Variants in ATRNL1 observed in about 807,000 individuals in gnomAD.
ATRNL1 encodes the protein attractin like 1.
ATRNL1 carries 95 observed loss-of-function variants against 182.7 expected under a neutral mutation model. That is an observed-to-expected ratio of 0.52 (90% CI 0.44 to 0.62). ATRNL1 has a LOEUF of 0.62. ATRNL1 is among the 20% of genes least tolerant of loss of function. ATRNL1 has a pLI of 0.00. For missense variants in ATRNL1, 1,471 were observed against 1,679.5 expected, an observed-to-expected ratio of 0.88 and a Z score of 2.17; for synonymous variants, 576 against 568.3, an observed-to-expected ratio of 1.01 and a Z score of -0.19.
chr10:115,565,313 G>A (rs1182402285), intron 26 of ATRNL1, among the ~76,000 whole-genome samples: 1 of 151,970 alleles, frequency 6.6e-6, no homozygotes, highest in Non-Finnish European at 1.5e-5. Flanking sequence ...TTTAGATCAT[G>A]TTATAAATTC....
At chr10:115,940,335 G>A (rs1953689264) in intron 28 of ATRNL1, among the ~76,000 whole-genome samples, 1 of 152,198 alleles carries the variant, frequency 6.6e-6, no homozygotes, top group South Asian at 2.1e-4. Context: ...TCGTGACAGG[G>A]ATTACAGTTT....
intron 20 of ATRNL1, among the ~76,000 whole-genome samples, chr10:115,417,581 C>T (rs1554961109): frequency 6.6e-6 from 1 of 152,176 alleles, no homozygotes; most frequent in East Asian, 1.9e-4. Context: ...GCTATCCAAC[C>T]TTTGTCCCAC....
At chr10:115,883,869 C>T (rs1951883690) in intron 28 of ATRNL1, among the ~76,000 whole-genome samples, 1 of 152,216 alleles carries the variant, frequency 6.6e-6, no homozygotes, top group Admixed American at 6.5e-5. Flanking sequence ...CAGAGGCAGT[C>T]TTTTCAAACT....
At chr10:115,433,165 G>A (rs963115025) in intron 21 of ATRNL1, among the ~76,000 whole-genome samples, 5 of 151,948 alleles carry the variant, frequency 3.3e-5, no homozygotes, top group Admixed American at 2.0e-4. Context: ...GTGGAATTTT[G>A]TAGTAATAAT....
At chr10:115,742,266 GA>G (rs1948160849) in intron 27 of ATRNL1, among the ~76,000 whole-genome samples, 1 of 152,030 alleles carries the variant, frequency 6.6e-6, no homozygotes, top group South Asian at 2.1e-4. Flanking sequence ...ATATTCAAGG[GA>G]AAAAATGTAT....
chr10:115,463,825 C>T (rs1304677003), intron 22 of ATRNL1, among the ~76,000 whole-genome samples: 2 of 151,956 alleles, frequency 1.3e-5, no homozygotes, highest in East Asian at 1.9e-4. Context: ...TAGCATGTAT[C>T]GGAGGTCATT....
intron 26 of ATRNL1, among the ~76,000 whole-genome samples, chr10:115,617,897 AATGT>A (rs1215497308): frequency 6.6e-6 from 1 of 152,044 alleles, no homozygotes; most frequent in Admixed American, 6.5e-5. Context: ...ACTACTTCCT[AATGT>A]TATAGGTGGG....
intron 10 of ATRNL1, among the ~76,000 whole-genome samples, chr10:115,252,044 T>G (rs1850901980): frequency 6.6e-6 from 1 of 152,150 alleles, no homozygotes; most frequent in Non-Finnish European, 1.5e-5. Context: ...GTTGTTGTTT[T>G]GAGACAGAGC....
At chr10:115,925,535 C>T (rs1281632961) in intron 28 of ATRNL1, among the ~76,000 whole-genome samples, 2 of 151,540 alleles carry the variant, frequency 1.3e-5, no homozygotes, top group Non-Finnish European at 2.9e-5. Flanking sequence ...CAAAGACACA[C>T]ATAGGCTCAA....
chr10:115,295,463 G>C (rs143330493), intron 15 of ATRNL1, among the ~76,000 whole-genome samples: 1 of 152,130 alleles, frequency 6.6e-6, no homozygotes, highest in Admixed American at 6.5e-5. Flanking sequence ...TTGCCTGGAG[G>C]CATGCCCAAC....
At chr10:115,329,508 C>T (rs1295373448) in intron 18 of ATRNL1, among the ~76,000 whole-genome samples, 4 of 152,062 alleles carry the variant, frequency 2.6e-5, no homozygotes, top group African/African-American at 9.7e-5. Context: ...TATTGTTTTG[C>T]TTTCTATACC....
intron 9 of ATRNL1, among the ~76,000 whole-genome samples, chr10:115,221,831 G>A (rs554537580): frequency 6.6e-6 from 1 of 152,132 alleles, no homozygotes; most frequent in South Asian, 2.1e-4. Flanking sequence ...TTAGATTATG[G>A]TGAAATGCCC....
intron 24 of ATRNL1, among the ~76,000 whole-genome samples, chr10:115,494,776 A>T (rs73371473): frequency 0.027 from 4,069 of 152,256 alleles, 215 homozygotes; most frequent in African/African-American, 0.094. Context: ...ATCAATGTTC[A>T]TCAAGGATAT....
intron 11 of ATRNL1, 67 bp downstream of exon 11, chr10:115,265,344 G>A: frequency 2.0e-6 from 2 of 997,072 alleles, no homozygotes; most frequent in South Asian, 1.7e-5. Flanking sequence ...TCATATTCTG[G>A]TATTCTTTTT....
In ATRNL1 at chr10:115,592,099, T is replaced by C. The variant is rs550138839; in HGVS notation, c.3795+42563T>C. ...AAAACAAATACTGGATGGTCTCACT[T>C]CTAAGTGGGAGCTAAACATTTGATA... On this transcript the variant is annotated intron_variant, in intron 26 of 28. Transcript: ENST00000355044. 5.3e-5 allele frequency among the ~76,000 whole-genome samples: 8 copies of C among 152,256 alleles called. 1 individual carries two copies. In the South Asian group the frequency reaches 1.7e-3, roughly 32 times the overall value.
intron 26 of ATRNL1, among the ~76,000 whole-genome samples, chr10:115,681,444 G>A (rs369316295): frequency 1.3e-5 from 2 of 152,074 alleles, no homozygotes; most frequent in African/African-American, 4.8e-5. Flanking sequence ...AAAACTGATA[G>A]CAGTAGGTTC....
chr10:115,395,033 T>C (rs1844216204), intron 20 of ATRNL1, among the ~76,000 whole-genome samples: 1 of 151,934 alleles, frequency 6.6e-6, no homozygotes. Context: ...CCTCTCTCTC[T>C]CTAGCAGTTC....
chr10:115,807,372 C>T (rs993894159), intron 27 of ATRNL1, among the ~76,000 whole-genome samples: 1 of 152,046 alleles, frequency 6.6e-6, no homozygotes, highest in African/African-American at 2.4e-5. Flanking sequence ...TGCCTCAGCC[C>T]CTAAAGTGCT....
rs1017422368 is a variant in ATRNL1 at position 115,847,881 on chromosome 10, C to T, written c.3908C>T (p.Ala1303Val). Residue 1303 changes from alanine (A) to valine (V), a missense_variant, in exon 28 of 29, where the codon GCA (alanine) becomes GTA (valine). Physicochemically the swap from Ala to Val is moderately conservative, Grantham distance 64. Transcript: ENST00000355044. ...AAAGTGGGTTTTCTTTTTCAGGGGG[C>T]ACCCAAGCCAATTGCCATTGAACCA... ...TEFLRGPLEGAPKPIAIEPCA... is the reference protein window; with the variant it reads ...TEFLRGPLEGVPKPIAIEPCA... 1 of 1,596,368 alleles carries T rather than the reference C, an allele frequency of 6.3e-7. No homozygotes were observed. The highest frequency in any genetic ancestry group is 1.7e-5 in the Admixed American group (1 of 59,726).
Sources: gnomAD v4.1 joint callset for allele counts (sites outside exome capture counted in the v4.1 genomes callset) on GRCh38, gnomAD v4.1.1 for gene constraint, MANE v1.5 for transcripts, NCBI Gene and HGNC (gene_info 2026-07-23, HGNC 2026-07-21) for gene names.